Variants in FLRT2 observed in about 807,000 individuals in gnomAD.
FLRT2 encodes the protein fibronectin leucine rich transmembrane protein 2.
Under a neutral mutation model 40.0 loss-of-function variants are expected in FLRT2, and 15 were observed. The observed-to-expected ratio is 0.38, with a 90% CI of 0.25 to 0.58. The LOEUF is 0.58. FLRT2 is among the 20% of genes least tolerant of loss of function. The pLI, the probability that FLRT2 is intolerant of heterozygous loss-of-function variation, is 0.71. For missense variants in FLRT2, 726 were observed against 840.0 expected, an observed-to-expected ratio of 0.86 and a Z score of 1.68; for synonymous variants, 380 against 336.8, an observed-to-expected ratio of 1.13 and a Z score of -1.41.
rs1894078571 is a variant in FLRT2 at position 85,638,942 on chromosome 14, T to C, written c.*15445T>C. On this transcript the variant is annotated 3_prime_UTR_variant, in exon 2 of 2. Transcript: ENST00000330753. The stretch of plus-strand genomic sequence containing the variant: ...AAAGCAAACAAAAGTTAGCTAATAA[T>C]CAATTCTTTGAACGAAGCCCAGTGA... 6.6e-6 allele frequency: 1 copy of C among 152,202 alleles called. No homozygotes were observed. Among genetic ancestry groups the C allele is most frequent in the South Asian group, 2.1e-4 (1 of 4,834 alleles). 9.4% of individuals were successfully genotyped at this position (152,202 alleles called of 1,614,324 possible). A position where few individuals can be genotyped will look rare whatever the true frequency, so the allele number is the denominator to read the frequency against.
intron 1 of FLRT2, among the ~76,000 whole-genome samples, chr14:85,556,858 C>T (rs568893292): frequency 8.5e-5 from 13 of 152,234 alleles, no homozygotes; most frequent in Non-Finnish European, 7.3e-5. Context: ...AAGACATACC[C>T]AAGACTGGGA....
At chr14:85,575,820 C>T (rs1891107468) in intron 1 of FLRT2, among the ~76,000 whole-genome samples, 1 of 152,162 alleles carries the variant, frequency 6.6e-6, no homozygotes, top group Admixed American at 6.5e-5. Context: ...GCCTTCACGT[C>T]TGTGTGTCAA....
chr14:85,618,712 A>G (rs932966010), intron 1 of FLRT2, among the ~76,000 whole-genome samples: 9 of 152,228 alleles, frequency 5.9e-5, no homozygotes, highest in Non-Finnish European at 1.2e-4. Context: ...TCTATTTTAC[A>G]TTTAATAAAT....
intron 1 of FLRT2, among the ~76,000 whole-genome samples, chr14:85,603,974 T>C (rs572013916): frequency 9.5e-4 from 144 of 152,318 alleles, no homozygotes; most frequent in African/African-American, 3.2e-3. Flanking sequence ...CCATTTTTAC[T>C]GTGTTAAAAC....
chr14:85,603,303 G>A lies in FLRT2; in HGVS notation c.-376-17836G>A, dbSNP rs529500186. ...AGATAGAGGCCCCTTTGTGTCTATG[G>A]GAAAGAGGAAAGTTGAGGTTCCGGG... On this transcript the variant is annotated intron_variant, in intron 1 of 1. Transcript: ENST00000330753. Among the ~76,000 whole-genome samples, 4 of 152,118 alleles carry A rather than the reference G, an allele frequency of 2.6e-5. No homozygotes were observed. In the East Asian group the frequency reaches 7.7e-4, roughly 29 times the overall value.
Position 85,550,951 on chromosome 14 carries a change from C to T in FLRT2, c.-377+20417C>T, listed in dbSNP as rs146010338. On this transcript the variant is annotated intron_variant, in intron 1 of 1. Transcript: ENST00000330753. ...TTTGGTCTTATGACAGGCATGCACA[C>T]GAGCTGGCTTTTCATTACCCTATCC... 1.6e-3 allele frequency among the ~76,000 whole-genome samples: 238 copies of T among 152,140 alleles called. 3 individuals are homozygous for T. Among genetic ancestry groups the T allele is most frequent in the African/African-American group, 5.5e-3 (227 of 41,522 alleles).
chr14:85,654,128 T>C lies in FLRT2; in HGVS notation c.*30631T>C, dbSNP rs1169005914. ...AAGATAATACCTTGATGTTTATGTC[T>C]ATGCCAAACTTGCTCTGCTGAGTTC... is the stretch of plus-strand genomic sequence containing the variant. On this transcript the variant is annotated 3_prime_UTR_variant, in exon 2 of 2. Transcript: ENST00000330753. 1 of 152,206 alleles carries C rather than the reference T, an allele frequency of 6.6e-6. No homozygotes were observed. Among genetic ancestry groups the C allele is most frequent in the Non-Finnish European group, 1.5e-5 (1 of 68,032 alleles). 9.4% of individuals were successfully genotyped at this position (152,206 alleles called of 1,614,324 possible). A position where few individuals can be genotyped will look rare whatever the true frequency, so the allele number is the denominator to read the frequency against.
rs1894412317 is a variant in FLRT2, at chr14:85,650,741, C to A, written c.*27244C>A. Reference sequence around the variant, plus strand: ...AGTTTGTTTTTTATTTATTTATTATCTGTTCATGATTTTCTTCATTTTTTC... The same window carrying A: ...AGTTTGTTTTTTATTTATTTATTATATGTTCATGATTTTCTTCATTTTTTC... On this transcript the variant is annotated 3_prime_UTR_variant, in exon 2 of 2. Coordinates refer to ENST00000330753, the MANE Select transcript of FLRT2 (RefSeq NM_013231.6). 2 of 135,608 alleles carry A rather than the reference C, an allele frequency of 1.5e-5. No individual in the cohort carries two copies. Among genetic ancestry groups the A allele is most frequent in the Non-Finnish European group, 3.1e-5 (2 of 64,642 alleles). 8.4% of individuals were successfully genotyped at this position (135,608 alleles called of 1,614,324 possible). A position where few individuals can be genotyped will look rare whatever the true frequency, so the allele number is the denominator to read the frequency against.
In FLRT2 at chr14:85,650,509, G is replaced by A. The variant is rs182225888; in HGVS notation, c.*27012G>A. 1 of 151,990 alleles carries A rather than the reference G, an allele frequency of 6.6e-6. No individual in the cohort carries two copies. Among genetic ancestry groups the A allele is most frequent in the African/African-American group, 2.4e-5 (1 of 41,512 alleles). 9.4% of individuals were successfully genotyped at this position (151,990 alleles called of 1,614,324 possible). A position where few individuals can be genotyped will look rare whatever the true frequency, so the allele number is the denominator to read the frequency against. On this transcript the variant is annotated 3_prime_UTR_variant, in exon 2 of 2. Coordinates refer to ENST00000330753, the MANE Select transcript of FLRT2 (RefSeq NM_013231.6). ...ATCTAGAATTTGAATTGCTAAAATTGAACATTCAATTTTCATTTTTAACTT... is the reference window on the plus strand; with the variant it reads ...ATCTAGAATTTGAATTGCTAAAATTAAACATTCAATTTTCATTTTTAACTT...
In FLRT2 at chr14:85,633,458, C is replaced by T. The variant is rs2139388305; in HGVS notation, c.*9961C>T. 6.6e-6 allele frequency: 1 copy of T among 151,880 alleles called. No homozygotes were observed. The highest frequency in any genetic ancestry group is 1.9e-4 in the East Asian group (1 of 5,160). 9.4% of individuals were successfully genotyped at this position (151,880 alleles called of 1,614,324 possible). A position where few individuals can be genotyped will look rare whatever the true frequency, so the allele number is the denominator to read the frequency against. On this transcript the variant is annotated 3_prime_UTR_variant, in exon 2 of 2. Transcript: ENST00000330753. ...AGAATATGTGGGTGTCAAAAGAGCC[C>T]CAGGAATGAGCATTCAGAAGGCATT...
intron 1 of FLRT2, among the ~76,000 whole-genome samples, chr14:85,550,817 T>C (rs1392467151): frequency 6.6e-6 from 1 of 152,228 alleles, no homozygotes; most frequent in African/African-American, 2.4e-5. Flanking sequence ...TCTCCTTGTC[T>C]AACACACGTT....
intron 1 of FLRT2, among the ~76,000 whole-genome samples, chr14:85,615,624 CG>C (rs1893091844): frequency 1.2e-5 from 1 of 81,972 alleles, no homozygotes; most frequent in Non-Finnish European, 2.6e-5. Flanking sequence ...TTTCAGGCTA[CG>C]GGGTGGCTAT....
Position 85,638,814 on chromosome 14 carries a change from C to A in FLRT2, c.*15317C>A, listed in dbSNP as rs1654868384. 1 of 152,152 alleles carries A rather than the reference C, an allele frequency of 6.6e-6. No individual in the cohort carries two copies. Among genetic ancestry groups the A allele is most frequent in the Non-Finnish European group, 1.5e-5 (1 of 68,036 alleles). 9.4% of individuals were successfully genotyped at this position (152,152 alleles called of 1,614,324 possible). ...CTAGATTTTGCTGCATGTCCGCAAA[C>A]CTATTTTGATCAACCAGTACTGAAC... On this transcript the variant is annotated 3_prime_UTR_variant, in exon 2 of 2. Coordinates refer to ENST00000330753, the MANE Select transcript of FLRT2 (RefSeq NM_013231.6).
chr14:85,578,333 A>T (rs1017581571), intron 1 of FLRT2, among the ~76,000 whole-genome samples: 1 of 151,698 alleles, frequency 6.6e-6, no homozygotes, highest in African/African-American at 2.4e-5. Context: ...TTTTTGTGTG[A>T]CTTGTGCCAG....
intron 1 of FLRT2, among the ~76,000 whole-genome samples, chr14:85,568,445 T>G (rs1890734101): frequency 6.6e-6 from 1 of 152,200 alleles, no homozygotes; most frequent in Non-Finnish European, 1.5e-5. Flanking sequence ...CAGTGGTCAT[T>G]GCTAGGTATG....
intron 1 of FLRT2, among the ~76,000 whole-genome samples, chr14:85,537,597 AACAC>A (rs146056490): frequency 3.3e-5 from 5 of 150,032 alleles, no homozygotes; most frequent in African/African-American, 9.7e-5. Context: ...TTTATAGTAA[AACAC>A]ACACACACAC....
At chr14:85,611,242 G>A (rs941470) in intron 1 of FLRT2, among the ~76,000 whole-genome samples, 124,743 of 152,088 alleles carry the variant, frequency 0.82, 51,212 homozygotes, top group East Asian at 0.88. Flanking sequence ...TCACCTGTGC[G>A]TCACACGGGC....
At chr14:85,594,680 A>G (rs1892052401) in intron 1 of FLRT2, among the ~76,000 whole-genome samples, 1 of 152,182 alleles carries the variant, frequency 6.6e-6, no homozygotes, top group Admixed American at 6.5e-5. Context: ...CCCGTCTCCT[A>G]TTCAATTTTC....
intron 1 of FLRT2, among the ~76,000 whole-genome samples, chr14:85,596,605 T>C (rs1892150003): frequency 6.6e-6 from 1 of 152,202 alleles, no homozygotes. Context: ...ATTTCAGAGG[T>C]AGAGATTCTA....
Sources: allele counts gnomAD v4.1 joint callset (sites outside exome capture counted in the v4.1 genomes callset), GRCh38; gene constraint gnomAD v4.1.1; transcripts MANE v1.5; gene names NCBI Gene and HGNC (gene_info 2026-07-23, HGNC 2026-07-21).